TNFRSF10D: variants seen among roughly 807,000 people sequenced by gnomAD.
TNFRSF10D encodes tumor necrosis factor receptor superfamily member 10D.
TNFRSF10D carries 28 observed loss-of-function variants against 42.1 expected under a neutral mutation model. That is an observed-to-expected ratio of 0.66 (90% confidence interval 0.49 to 0.91). The LOEUF (loss-of-function observed/expected upper bound fraction) is 0.91. Ranked by LOEUF, TNFRSF10D falls within the 40% of genes least tolerant of loss-of-function variation. The pLI is 0.00. For synonymous variants in TNFRSF10D, 186 were observed against 189.4 expected (o/e 0.98, Z 0.15); for missense variants, 503 against 486.1 (o/e 1.03, Z -0.33).
chr8:23,140,412 ACACAC>A (rs1451614814), intron 7 of TNFRSF10D, among the ~76,000 whole-genome samples: 15 of 132,950 alleles, frequency 1.1e-4, no homozygotes, highest in African/African-American at 3.6e-4. Flanking sequence ...ACACACACAC[ACACAC>A]AATACCTAGA....
Position 23,145,810 on chromosome 8 carries a change from T to C in TNFRSF10D, c.594A>G (p.Thr198=). 14 of 1,614,180 alleles carry C rather than the reference T, an allele frequency of 8.7e-6. No individual in the cohort carries two copies. The highest frequency in any genetic ancestry group is 1.2e-5 in the Non-Finnish European group (14 of 1,179,998). The change falls in exon 5 of 9, where the codon ACA becomes ACG. Residue 198 remains threonine (T), a synonymous_variant. Transcript: ENST00000312584. ...STGKTPAAEE[T]VTTILGMLAS... ...CAAGCATCCCCAGGATGGTGGTCAC[T>C]GTCTCCTCCGCTGCTGGGGTTTTCC... is the stretch of plus-strand genomic sequence containing the variant.
chr8:23,157,013 A>G (rs974267972), intron 1 of TNFRSF10D, among the ~76,000 whole-genome samples: 2 of 151,986 alleles, frequency 1.3e-5, no homozygotes, highest in African/African-American at 4.8e-5. Context: ...TCTTTTTTTG[A>G]CAGCTTTAAC....
intron 7 of TNFRSF10D, among the ~76,000 whole-genome samples, chr8:23,143,595 A>C (rs1173096358): frequency 1.3e-5 from 2 of 152,196 alleles, no homozygotes; most frequent in East Asian, 3.9e-4. Flanking sequence ...GAAAGGAAGA[A>C]AATGGGTGGA....
chr8:23,156,580 T>TCTC (rs1260243590), intron 1 of TNFRSF10D, among the ~76,000 whole-genome samples: 7 of 151,848 alleles, frequency 4.6e-5, no homozygotes, highest in South Asian at 2.1e-4. Context: ...TTTTTCTTTT[T>TCTC]TGGAGACGGG....
Position 23,146,022 on chromosome 8 carries a change from G to T in TNFRSF10D, c.483-101C>A, listed in dbSNP as rs895391556. The T allele has an allele frequency of 5.9e-6, 9 of 1,531,778 alleles. No individual in the cohort carries two copies. In the African/African-American group the frequency reaches 1.2e-4, roughly 21 times the overall value. 94.9% of individuals were successfully genotyped at this position (1,531,778 alleles called of 1,614,324 possible). ...CCCTGCCCAAAGTCCCTGAGAAGGC[G>T]TCAGGAGGACAGGCTCCTCGTGTCA... On this transcript the variant is annotated intron_variant, in intron 4 of 8. Coordinates refer to ENST00000312584, the MANE Select transcript of TNFRSF10D (RefSeq NM_003840.5).
chr8:23,154,799 T>C (rs1372344630), intron 2 of TNFRSF10D, 75 bp downstream of exon 2: 1 of 1,445,812 alleles, frequency 6.9e-7, no homozygotes. Flanking sequence ...CCAAACATCA[T>C]GGTGTACACC....
chr8:23,139,014 A>T lies in TNFRSF10D; in HGVS notation c.955-754T>A, dbSNP rs1585256678. Among the ~76,000 whole-genome samples the T allele has an allele frequency of 2.6e-5, 4 of 152,258 alleles. No individual in the cohort carries two copies. The South Asian group carries it at 8.3e-4, about 32-fold the overall frequency. ...CTAGGCAACAAGATGGAAAATTAAA[A>T]TGAGGCAAGACTTTTGGAAGAGGGC... is the stretch of plus-strand genomic sequence containing the variant. On this transcript the variant is annotated intron_variant, in intron 7 of 8. Coordinates refer to ENST00000312584, the MANE Select transcript of TNFRSF10D (RefSeq NM_003840.5).
At chr8:23,158,011 A>G (rs963392621) in intron 1 of TNFRSF10D, among the ~76,000 whole-genome samples, 6 of 152,348 alleles carry the variant, frequency 3.9e-5, no homozygotes, top group African/African-American at 1.4e-4. Context: ...AGGAGTGGGG[A>G]GAAGTAAGGC....
In TNFRSF10D at chr8:23,163,839, G is replaced by C; in HGVS notation, c.97C>G (p.Leu33Val). 7 of 1,608,244 alleles carry C rather than the reference G, an allele frequency of 4.4e-6. No homozygotes were observed. The highest frequency in any genetic ancestry group is 4.2e-6 in the Non-Finnish European group (5 of 1,178,194). Reference sequence around the variant, plus strand: ...ACGAACTTAAGGATCTTGGGGTCCAGGAGCCATGGTCTGGTTCCCGACGCT... The same window carrying C: ...ACGAACTTAAGGATCTTGGGGTCCACGAGCCATGGTCTGGTTCCCGACGCT... ...RTASGTRPWL[L>V]DPKILKFVVF... Residue 33 changes from leucine (L) to valine (V), a missense_variant, in exon 1 of 9, where the codon CTG becomes GTG. By Grantham distance (32) the Leu-to-Val change is conservative. Coordinates refer to ENST00000312584, the MANE Select transcript of TNFRSF10D (RefSeq NM_003840.5).
At chr8:23,155,213 T>C (rs1292801065) in intron 1 of TNFRSF10D, among the ~76,000 whole-genome samples, 4 of 151,996 alleles carry the variant, frequency 2.6e-5, no homozygotes, top group Non-Finnish European at 5.9e-5. Context: ...ATAAAATATA[T>C]TTACCCCAGA....
intron 4 of TNFRSF10D, 88 bp downstream of exon 4, chr8:23,146,873 T>C (rs999190013): frequency 1.7e-6 from 2 of 1,157,464 alleles, no homozygotes; most frequent in Non-Finnish European, 1.3e-6. Context: ...GGAGGATCCA[T>C]GGGGTCAGCG....
chr8:23,159,400 T>C (rs1268961046), intron 1 of TNFRSF10D, among the ~76,000 whole-genome samples: 2 of 152,194 alleles, frequency 1.3e-5, no homozygotes, highest in Non-Finnish European at 2.9e-5. Flanking sequence ...TTTTTAAGGA[T>C]GAGAAGTCGA....
intron 7 of TNFRSF10D, among the ~76,000 whole-genome samples, chr8:23,140,643 T>C (rs1437023667): frequency 6.6e-6 from 1 of 152,144 alleles, no homozygotes; most frequent in Non-Finnish European, 1.5e-5. Context: ...TTGGAAAAAA[T>C]TATTGGAAGT....
At chr8:23,145,578 G>A in intron 5 of TNFRSF10D, 90 bp downstream of exon 5, 2 of 1,585,756 alleles carry the variant, frequency 1.3e-6, no homozygotes, top group Admixed American at 3.4e-5. Context: ...TTGGACCAGG[G>A]GCAGGGATGG....
At chr8:23,141,560 T>C (rs1800020522) in intron 7 of TNFRSF10D, among the ~76,000 whole-genome samples, 1 of 145,690 alleles carries the variant, frequency 6.9e-6, no homozygotes, top group Non-Finnish European at 1.5e-5. Context: ...TGGGAGAAAA[T>C]ATTTACAAAC....
At chr8:23,138,825 T>C (rs1814392598) in intron 7 of TNFRSF10D, among the ~76,000 whole-genome samples, 1 of 152,226 alleles carries the variant, frequency 6.6e-6, no homozygotes. Flanking sequence ...CAAACCCTTT[T>C]AGAATAGTAA....
Position 23,137,911 on chromosome 8 carries a change from A to G in TNFRSF10D, c.1120T>C (p.Tyr374His), listed in dbSNP as rs1451323352. ...DQLVGSEKLF[Y>H]EEDEAGSATS... ...GCAGAGCCTGCCTCATCTTCTTCAT[A>G]AAAGAGCTTTTCGGAGCCCACCAGT... The change falls in exon 9 of 9, where the codon TAT (tyrosine) becomes CAT (histidine). Residue 374 changes from tyrosine to histidine, a missense_variant. Physicochemically the swap from Tyr to His is moderately conservative, Grantham distance 83. Coordinates refer to ENST00000312584, the MANE Select transcript of TNFRSF10D (RefSeq NM_003840.5). 2 of 1,614,202 alleles carry G rather than the reference A, an allele frequency of 1.2e-6. No individual in the cohort carries two copies. The highest frequency in any genetic ancestry group is 4.5e-5 in the East Asian group (2 of 44,882).
At position 23,136,328 on chromosome 8, in the gene TNFRSF10D, G is replaced by C. The variant is rs1374811016; in HGVS notation, c.*1542C>G. ...GAATTGATATCTCTGAGATGAGTCAGATGCTTACAGAGGGGCCAAGCTCCT... is the reference window on the plus strand; with the variant it reads ...GAATTGATATCTCTGAGATGAGTCACATGCTTACAGAGGGGCCAAGCTCCT... On this transcript the variant is annotated 3_prime_UTR_variant, in exon 9 of 9. Coordinates refer to ENST00000312584, the MANE Select transcript of TNFRSF10D (RefSeq NM_003840.5). 3 of 212,176 alleles carry C rather than the reference G, an allele frequency of 1.4e-5. No homozygotes were observed. The allele number at this position is 212,176 out of a possible 1,614,324, so 13.1% of individuals were successfully genotyped here.
intron 1 of TNFRSF10D, among the ~76,000 whole-genome samples, chr8:23,160,310 C>A (rs1049867292): frequency 2.6e-5 from 4 of 152,206 alleles, no homozygotes; most frequent in African/African-American, 9.7e-5. Context: ...CCTCAGCTTA[C>A]CACCTAAGGA....
Sources: allele counts gnomAD v4.1 joint callset (sites outside exome capture counted in the v4.1 genomes callset), GRCh38; gene constraint gnomAD v4.1.1; transcripts MANE v1.5; gene names NCBI Gene and HGNC (gene_info 2026-07-23, HGNC 2026-07-21).